The following PFKFB3 variants were observed in gnomAD, a reference collection of about 807,000 sequenced individuals.
PFKFB3 encodes 6-phosphofructo-2-kinase/fructose-2,6-biphosphatase 3.
A neutral mutation model predicts 68.0 loss-of-function variants in PFKFB3; 33 were observed. That is an observed-to-expected ratio of 0.49 (90% CI 0.37 to 0.65). The LOEUF is 0.65. PFKFB3 is among the 30% of genes least tolerant of loss of function. PFKFB3 has a pLI of 0.00. For synonymous variants in PFKFB3, 315 were observed against 288.2 expected, an observed-to-expected ratio of 1.09 and a Z score of -0.94; for missense variants, 586 against 712.2, an observed-to-expected ratio of 0.82 and a Z score of 2.02.
chr10:6,206,401 C>CG (rs1245023064), intron 1 of PFKFB3, among the ~76,000 whole-genome samples: 13 of 105,574 alleles, frequency 1.2e-4, no homozygotes, highest in South Asian at 9.8e-4. Context: ...TTCCCCGCCC[C>CG]TTTCCCCCCT....
chr10:6,256,337 G>T (rs1394401516), downstream of PFKFB3, among the ~76,000 whole-genome samples: 4 of 152,092 alleles, frequency 2.6e-5, no homozygotes, highest in Non-Finnish European at 4.4e-5. Context: ...GGACTTGGGG[G>T]GTGTAGGTAA....
chr10:6,225,111 G>C, intron 13 of PFKFB3: 1 of 456,252 alleles, frequency 2.2e-6, no homozygotes, highest in Non-Finnish European at 4.4e-6. Flanking sequence ...GTGGGCCTCT[G>C]CTCAGGTGGA....
intron 1 of PFKFB3, among the ~76,000 whole-genome samples, chr10:6,205,115 C>T (rs1272931968): frequency 1.3e-5 from 2 of 152,184 alleles, no homozygotes; most frequent in African/African-American, 4.8e-5. Context: ...TTGGCTAAAG[C>T]CAATGGATTA....
At chr10:6,161,311 G>A (rs947624238) in intron 1 of PFKFB3, among the ~76,000 whole-genome samples, 3 of 151,998 alleles carry the variant, frequency 2.0e-5, no homozygotes, top group African/African-American at 7.2e-5. Flanking sequence ...CCCCCTGCCT[G>A]GAGCAGTGAT....
chr10:6,217,287 G>A (rs1337389310), intron 6 of PFKFB3, 96 bp downstream of exon 6: 26 of 1,077,810 alleles, frequency 2.4e-5, no homozygotes, highest in Admixed American at 1.0e-4. Context: ...GCTCGGAAGC[G>A]CAGCTGAGCC....
the PFKFB3 span, among the ~76,000 whole-genome samples, chr10:6,302,129 A>G: frequency 0.024 from 3,559 of 150,478 alleles, 144 homozygotes; most frequent in African/African-American, 0.082. Flanking sequence ...ATTTTGGCTC[A>G]CTGCAACTTC....
chr10:6,220,785 C>T lies in PFKFB3; in HGVS notation c.751C>T (p.Leu251=). Residue 251 remains leucine, a synonymous_variant, in exon 8 of 15, where the codon CTG becomes TTG. Transcript: ENST00000379775. This position sits in a 1 kb window ranked among gnomAD's most constrained non-coding sequence, Gnocchi z 4.1. ...CCACGTGCAGCCGCGTACCATCTACCTGTGCCGGCACGGCGAGAACGAGCA... is the reference window on the plus strand; with the variant it reads ...CCACGTGCAGCCGCGTACCATCTACTTGTGCCGGCACGGCGAGAACGAGCA... The part of the protein sequence containing the change: ...NIHVQPRTIY[L]CRHGENEHNL... 6.2e-7 allele frequency: 1 copy of T among 1,614,118 alleles called. No homozygotes were observed. The highest frequency in any genetic ancestry group is 8.5e-7 in the Non-Finnish European group (1 of 1,180,042).
chr10:6,177,443 T>TCTTTCTTC (rs1564599904), intron 1 of PFKFB3, among the ~76,000 whole-genome samples: 4 of 109,676 alleles, frequency 3.6e-5, no homozygotes, highest in African/African-American at 1.3e-4. Context: ...TCTTTCTCTT[T>TCTTTCTTC]CTTTCTTTCT....
At chr10:6,241,827 A>AT (rs1462663818) in intron 14 of PFKFB3, among the ~76,000 whole-genome samples, 4 of 147,278 alleles carry the variant, frequency 2.7e-5, no homozygotes, top group Non-Finnish European at 4.5e-5. Flanking sequence ...CTTTTTTTTA[A>AT]TTTTTTTTTG....
chr10:6,303,798 TAAAAAA>T, the PFKFB3 span, among the ~76,000 whole-genome samples: 2 of 120,736 alleles, frequency 1.7e-5, no homozygotes, highest in South Asian at 2.9e-4. Context: ...AGAGTCCATC[TAAAAAA>T]AAAAAAAAAA....
chr10:6,183,222 G>A (rs1842768510), intron 1 of PFKFB3, among the ~76,000 whole-genome samples: 1 of 152,176 alleles, frequency 6.6e-6, no homozygotes, highest in Non-Finnish European at 1.5e-5. Context: ...TTGAACAGCT[G>A]CGGAATGGCT....
At chr10:6,187,884 A>G (rs1181325229) in intron 1 of PFKFB3, among the ~76,000 whole-genome samples, 1 of 152,152 alleles carries the variant, frequency 6.6e-6, no homozygotes, top group African/African-American at 2.4e-5. Context: ...AGTGTTCCAT[A>G]GCACTCTCAC....
Position 6,229,106 on chromosome 10 carries a change from C to T in PFKFB3, c.1515+2741C>T, listed in dbSNP as rs1272608854. 4 of 531,928 alleles carry T rather than the reference C, an allele frequency of 7.5e-6. No homozygotes were observed. Among genetic ancestry groups the T allele is most frequent in the Non-Finnish European group, 1.5e-5 (4 of 259,314 alleles). 33.0% of individuals were successfully genotyped at this position (531,928 alleles called of 1,614,324 possible). A position where few individuals can be genotyped will look rare whatever the true frequency, so the allele number is the denominator to read the frequency against. On this transcript the variant is annotated intron_variant, in intron 14 of 14. Transcript: ENST00000379775. The surrounding 1 kb of genome is among the most constrained non-coding windows in gnomAD (Gnocchi z 4.3). ...CTTAAGTTACCTTAACTACTTTATG[C>T]AGAAACTGGAAAGGTGTGATGAGGA...
chr10:6,232,233 A>T (rs1458460479), intron 14 of PFKFB3, among the ~76,000 whole-genome samples: 1 of 111,908 alleles, frequency 8.9e-6, no homozygotes, highest in Non-Finnish European at 1.7e-5. Flanking sequence ...CTGATTTTGG[A>T]GCATGTTTTT....
the PFKFB3 span, among the ~76,000 whole-genome samples, chr10:6,262,387 G>A: frequency 2.7e-5 from 4 of 146,080 alleles, no homozygotes; most frequent in East Asian, 2.0e-4. Flanking sequence ...CCTGGGGGGC[G>A]GAGCCTGCAG....
At chr10:6,160,890 T>C (rs1841948956) in intron 1 of PFKFB3, among the ~76,000 whole-genome samples, 1 of 152,102 alleles carries the variant, frequency 6.6e-6, no homozygotes, top group Non-Finnish European at 1.5e-5. Context: ...TCTCCAGTCA[T>C]CTCCCAACCT....
chr10:6,311,114 A>C, the PFKFB3 span, among the ~76,000 whole-genome samples: 1 of 152,214 alleles, frequency 6.6e-6, no homozygotes, highest in Non-Finnish European at 1.5e-5. Context: ...ACAGAGACAG[A>C]ACTGAAGCGC....
intron 1 of PFKFB3, among the ~76,000 whole-genome samples, chr10:6,196,669 C>T (rs1236046574): frequency 6.6e-6 from 1 of 152,088 alleles, no homozygotes; most frequent in African/African-American, 2.4e-5. Flanking sequence ...TTGTTCGGGC[C>T]CTGCTGGCAG....
the PFKFB3 span, among the ~76,000 whole-genome samples, chr10:6,260,281 C>T: frequency 5.3e-4 from 80 of 151,926 alleles, no homozygotes; most frequent in Middle Eastern, 3.4e-3. Context: ...GGCATGGCGG[C>T]GGGTTCCTGT....
Sources: allele counts gnomAD v4.1 joint callset (sites outside exome capture counted in the v4.1 genomes callset), GRCh38; gene constraint gnomAD v4.1.1; non-coding constraint Gnocchi (gnomAD v3.1); transcripts MANE v1.5; gene names NCBI Gene and HGNC (gene_info 2026-07-23, HGNC 2026-07-21).